ADCY8: variants seen among roughly 807,000 people sequenced by gnomAD.
The protein encoded by ADCY8 is adenylate cyclase 8.
In ADCY8, 51 loss-of-function variants were observed where a neutral mutation model predicts 119.7. The ratio of observed to expected loss-of-function variants is 0.43; its 90% CI spans 0.34 to 0.54. The LOEUF (loss-of-function observed/expected upper bound fraction) is 0.54, where lower values mean the gene tolerates loss of function less well. Among genes scored for constraint, ADCY8 ranks in the 20% least tolerant of loss-of-function variants. ADCY8 has a pLI of 0.03. For synonymous variants in ADCY8, 665 were observed against 651.0 expected (o/e 1.02, Z -0.33); for missense variants, 1,383 against 1,598.8 (o/e 0.87, Z 2.30).
Position 131,009,297 on chromosome 8 carries a change from C to T in ADCY8, c.961-18755G>A, listed in dbSNP as rs112972014. On this transcript the variant is annotated intron_variant, in intron 1 of 17. Coordinates refer to ENST00000286355, the MANE Select transcript of ADCY8 (RefSeq NM_001115.3). The stretch of plus-strand genomic sequence containing the variant: ...TGCTCTGTGCAGCCTCAGGACTTGG[C>T]GCTCTGAGCCCCAGTCATGGCTAAA... 5.4e-3 allele frequency among the ~76,000 whole-genome samples: 829 copies of T among 152,278 alleles called. 5 individuals carry two copies. Among genetic ancestry groups the T allele is most frequent in the African/African-American group, 0.019 (792 of 41,552 alleles).
intron 2 of ADCY8, among the ~76,000 whole-genome samples, chr8:130,984,289 T>A (rs893592474): frequency 6.6e-6 from 1 of 152,104 alleles, no homozygotes; most frequent in African/African-American, 2.4e-5. Flanking sequence ...GGAAGCACAT[T>A]CTTACCCGAC....
chr8:130,800,281 C>A, intron 15 of ADCY8, 145 bp downstream of exon 15: 2 of 894,718 alleles, frequency 2.2e-6, no homozygotes, highest in Non-Finnish European at 1.7e-6. Context: ...ATAATTAAAT[C>A]AGATAATACA....
chr8:130,921,728 C>T (rs1264111814), intron 5 of ADCY8, among the ~76,000 whole-genome samples: 4 of 152,280 alleles, frequency 2.6e-5, no homozygotes, highest in Admixed American at 6.5e-5. Flanking sequence ...GCTGGGATTA[C>T]AGGTGTGAGC....
chr8:130,924,354 A>C (rs1383968398), intron 5 of ADCY8, among the ~76,000 whole-genome samples: 1 of 152,230 alleles, frequency 6.6e-6, no homozygotes, highest in Non-Finnish European at 1.5e-5. Context: ...TTATCCATGA[A>C]GAACAGCCAA....
intron 7 of ADCY8, among the ~76,000 whole-genome samples, chr8:130,886,903 T>A (rs928217604): frequency 1.3e-5 from 2 of 152,124 alleles, no homozygotes; most frequent in Non-Finnish European, 2.9e-5. Context: ...GGGGATTGAT[T>A]TCTTTAAATT....
Position 131,039,621 on chromosome 8 carries a change from G to T in ADCY8, c.713C>A (p.Ser238Tyr). Residue 238 changes from serine (S) to tyrosine (Y), a missense_variant, in exon 1 of 18, where the codon TCC becomes TAC. This residue lies in a region of ADCY8 where 455 missense variants were observed against 435.3 expected (regional missense o/e 1.05). Coordinates refer to ENST00000286355, the MANE Select transcript of ADCY8 (RefSeq NM_001115.3). ...ALVVVRKDTT[S>Y]HTYLQYSGVV... ...GCCGCTGTACTGCAGGTACGTGTGGGAGGTGGTGTCCTTCCTGACCACCAC... is the reference window on the plus strand; with the variant it reads ...GCCGCTGTACTGCAGGTACGTGTGGTAGGTGGTGTCCTTCCTGACCACCAC... 1 of 1,614,126 alleles carries T rather than the reference G, an allele frequency of 6.2e-7. No homozygotes were observed. Among genetic ancestry groups the T allele is most frequent in the Non-Finnish European group, 8.5e-7 (1 of 1,180,032 alleles).
chr8:130,901,560 C>T (rs1235505928), intron 7 of ADCY8, among the ~76,000 whole-genome samples: 1 of 152,174 alleles, frequency 6.6e-6, no homozygotes, highest in Non-Finnish European at 1.5e-5. Context: ...AAAGCATAGG[C>T]TCAGCCAGAC....
chr8:130,899,111 T>A (rs988519734), intron 7 of ADCY8, among the ~76,000 whole-genome samples: 1 of 152,220 alleles, frequency 6.6e-6, no homozygotes, highest in Non-Finnish European at 1.5e-5. Context: ...TCAGGGTGTC[T>A]GCACTGCTTT....
At chr8:130,955,047 T>A (rs1407719245) in intron 2 of ADCY8, among the ~76,000 whole-genome samples, 1 of 152,192 alleles carries the variant, frequency 6.6e-6, no homozygotes, top group Non-Finnish European at 1.5e-5. Context: ...ACATACTACA[T>A]GTCAGCTCAG....
chr8:130,854,856 C>G (rs1235027612), intron 9 of ADCY8, among the ~76,000 whole-genome samples: 2 of 130,776 alleles, frequency 1.5e-5, no homozygotes, highest in Non-Finnish European at 3.2e-5. Flanking sequence ...CCCTCCCTCC[C>G]TCTGTAGGTC....
chr8:131,008,343 A>C (rs1823189638), intron 1 of ADCY8, among the ~76,000 whole-genome samples: 1 of 152,182 alleles, frequency 6.6e-6, no homozygotes, highest in African/African-American at 2.4e-5. Context: ...AGATGGAGGT[A>C]ATTGAAACAA....
chr8:130,902,543 T>C (rs1446661461), intron 7 of ADCY8, among the ~76,000 whole-genome samples: 1 of 152,198 alleles, frequency 6.6e-6, no homozygotes, highest in Non-Finnish European at 1.5e-5. Context: ...CATTTTCTCA[T>C]AGTTTTTCCC....
chr8:131,028,523 A>AT (rs200332506), intron 1 of ADCY8, among the ~76,000 whole-genome samples: 2,080 of 151,170 alleles, frequency 0.014, 32 homozygotes, highest in African/African-American at 0.029. Context: ...GCTCTTAGTG[A>AT]TTTTTTTTCT....
intron 1 of ADCY8, among the ~76,000 whole-genome samples, chr8:131,011,768 G>GTGGGAT (rs570049427): frequency 7.7e-4 from 117 of 152,242 alleles, no homozygotes; most frequent in South Asian, 1.7e-3. Flanking sequence ...GCATAAAACC[G>GTGGGAT]TGGGATCCTC....
chr8:130,822,535 A>AATCCATCCATCCATCCATCCATCCATCC (rs145398330), intron 12 of ADCY8, among the ~76,000 whole-genome samples: 1 of 139,664 alleles, frequency 7.2e-6, no homozygotes, highest in African/African-American at 2.7e-5. Flanking sequence ...TGAATCCATG[A>AATCCATCCATCCATCCATCCATCCATCC]ATCCATCCAT....
chr8:131,031,656 C>G (rs995165361), intron 1 of ADCY8, among the ~76,000 whole-genome samples: 1 of 152,136 alleles, frequency 6.6e-6, no homozygotes, highest in Non-Finnish European at 1.5e-5. Context: ...AGTTCAATCT[C>G]TTGCTCTTTT....
At chr8:130,807,043 T>C (rs1354126723) in intron 14 of ADCY8, among the ~76,000 whole-genome samples, 5 of 152,220 alleles carry the variant, frequency 3.3e-5, no homozygotes, top group Admixed American at 3.3e-4. Flanking sequence ...AATTGATGAA[T>C]ATAGAAAAGC....
At position 130,806,012 on chromosome 8, in the gene ADCY8, GGA is replaced by G. The variant is rs1173170854; in HGVS notation, c.2914-5442_2914-5441del. Among the ~76,000 whole-genome samples, 5 of 152,272 alleles carry G rather than the reference GGA, an allele frequency of 3.3e-5. No individual in the cohort carries two copies. The East Asian group carries it at 9.7e-4, about 29-fold the overall frequency. On this transcript the variant is annotated intron_variant, in intron 14 of 17. Coordinates refer to ENST00000286355, the MANE Select transcript of ADCY8 (RefSeq NM_001115.3). ...GGTGGGGTAAAGCACCATAAGAGAG[GGA>G]GAGACTCCCTCCCCGGCATTTCCCC...
At chr8:130,989,730 A>C (rs973178003) in intron 2 of ADCY8, among the ~76,000 whole-genome samples, 4 of 152,172 alleles carry the variant, frequency 2.6e-5, no homozygotes, top group Non-Finnish European at 5.9e-5. Context: ...TTTGAAAGTA[A>C]ATTTAATTTT....
Sources: gnomAD v4.1 joint callset for allele counts (sites outside exome capture counted in the v4.1 genomes callset) on GRCh38, gnomAD v4.1.1 for gene constraint, gnomAD v4.1.1 regional missense constraint, MANE v1.5 for transcripts, NCBI Gene and HGNC (gene_info 2026-07-23, HGNC 2026-07-21) for gene names.